The following BARX2 variants were observed in gnomAD, a reference collection of about 807,000 sequenced individuals.
The protein encoded by BARX2 is homeobox protein BarH-like 2.
Under a neutral mutation model 25.5 loss-of-function variants are expected in BARX2, and 11 were observed. The ratio of observed to expected loss-of-function variants is 0.43; its 90% CI spans 0.27 to 0.71. BARX2 has a LOEUF of 0.71. Ranked by LOEUF, BARX2 falls within the 30% of genes least tolerant of loss-of-function variation. The pLI is 0.19. For missense variants in BARX2, 360 were observed against 359.9 expected (o/e 1.00, Z 0.00); for synonymous variants, 137 against 149.5 (o/e 0.92, Z 0.61).
At chr11:129,424,452 G>T (rs1862041968) in intron 1 of BARX2, among the ~76,000 whole-genome samples, 1 of 152,074 alleles carries the variant, frequency 6.6e-6, no homozygotes, top group African/African-American at 2.4e-5. Context: ...CACCCTGCAG[G>T]TTGTTTCCAG....
chr11:129,442,716 GGGGA>G, intron 2 of BARX2, 115 bp from the exon 3 acceptor site: 2 of 857,940 alleles, frequency 2.3e-6, no homozygotes, highest in South Asian at 2.7e-5. Context: ...TCGTTTAATG[GGGGA>G]GGTCCGAGCC....
At chr11:129,395,298 T>C (rs1455485203) in intron 1 of BARX2, among the ~76,000 whole-genome samples, 1 of 152,168 alleles carries the variant, frequency 6.6e-6, no homozygotes, top group Admixed American at 6.5e-5. Context: ...AATATTTCCA[T>C]TGTCATACAA....
intron 1 of BARX2, among the ~76,000 whole-genome samples, chr11:129,396,558 T>C (rs1162917080): frequency 6.6e-6 from 1 of 152,162 alleles, no homozygotes; most frequent in East Asian, 1.9e-4. Flanking sequence ...AAGTTCATAT[T>C]GTCTGTACTT....
chr11:129,448,970 G>A (rs1412638816), intron 3 of BARX2, among the ~76,000 whole-genome samples: 5 of 152,212 alleles, frequency 3.3e-5, no homozygotes, highest in Non-Finnish European at 5.9e-5. Context: ...TATATAAAAT[G>A]TCCAAAAATA....
rs369194472 is a variant in BARX2 at position 129,444,109 on chromosome 11, G to GA, written c.573+1201dup. Among the ~76,000 whole-genome samples, 736 of 145,634 alleles carry GA rather than the reference G, an allele frequency of 5.1e-3. 6 individuals carry two copies. Among genetic ancestry groups the GA allele is most frequent in the African/African-American group, 0.017 (669 of 40,372 alleles). The stretch of plus-strand genomic sequence containing the variant: ...GGGTTCTGCCAACCCCAGTTTTCAG[G>GA]AAAAAAAAAAAGTCAGTGGATAGAT... On this transcript the variant is annotated intron_variant, in intron 3 of 3. Transcript: ENST00000281437.
chr11:129,391,563 G>A (rs1861665975), intron 1 of BARX2, among the ~76,000 whole-genome samples: 1 of 152,136 alleles, frequency 6.6e-6, no homozygotes, highest in Non-Finnish European at 1.5e-5. Context: ...TCATTCCAGG[G>A]CACAAAAATA....
Position 129,414,095 on chromosome 11 carries a change from T to C in BARX2, c.188-22656T>C, listed in dbSNP as rs143475730. ...AAAAAAAAGAGAGAGCGGACAGTAA[T>C]AGCTCGGGGATTATTTAGGTTTGAT... On this transcript the variant is annotated intron_variant, in intron 1 of 3. Transcript: ENST00000281437. 3.4e-3 allele frequency among the ~76,000 whole-genome samples: 508 copies of C among 150,298 alleles called. 4 individuals are homozygous for C. Among genetic ancestry groups the C allele is most frequent in the African/African-American group, 0.012 (471 of 40,148 alleles).
Position 129,390,419 on chromosome 11 carries a change from A to G in BARX2, c.187+14197A>G, listed in dbSNP as rs1435296483. ...TTGAAAATAGGACTCAGTCAGAGACATGGATCGTTGGCATCTTGTTGAGAA... is the reference window on the plus strand; with the variant it reads ...TTGAAAATAGGACTCAGTCAGAGACGTGGATCGTTGGCATCTTGTTGAGAA... On this transcript the variant is annotated intron_variant, in intron 1 of 3. Coordinates refer to ENST00000281437, the MANE Select transcript of BARX2 (RefSeq NM_003658.5). This position sits in a 1 kb window ranked among gnomAD's most constrained non-coding sequence, Gnocchi z 4.3. Among the ~76,000 whole-genome samples the G allele has an allele frequency of 6.6e-6, 1 of 152,182 alleles. No homozygotes were observed. The highest frequency in any genetic ancestry group is 1.5e-5 in the Non-Finnish European group (1 of 68,016).
At chr11:129,451,045 G>A (rs1475763829) in intron 3 of BARX2, 91 bp from the exon 4 acceptor site, 1 of 1,486,466 alleles carries the variant, frequency 6.7e-7, no homozygotes, top group Non-Finnish European at 9.2e-7. Flanking sequence ...GGAACAGATG[G>A]TTTAGATGCA....
intron 1 of BARX2, among the ~76,000 whole-genome samples, chr11:129,397,280 CA>C (rs35729336): frequency 0.23 from 25,139 of 110,984 alleles, 2,070 homozygotes; most frequent in East Asian, 0.39. Context: ...ACCCTGTCTC[CA>C]AAAAAAAAAA....
chr11:129,403,962 AC>A (rs1398777620), intron 1 of BARX2, among the ~76,000 whole-genome samples: 1 of 152,214 alleles, frequency 6.6e-6, no homozygotes, highest in Non-Finnish European at 1.5e-5. Context: ...TCTGAAAGGC[AC>A]AGAAAGGTCA....
intron 1 of BARX2, among the ~76,000 whole-genome samples, chr11:129,408,047 A>AAAG: frequency 6.9e-6 from 1 of 144,708 alleles, no homozygotes; most frequent in African/African-American, 2.5e-5. Context: ...AAAAAAAAAA[A>AAAG]GTTGGAGCAC....
intron 1 of BARX2, among the ~76,000 whole-genome samples, chr11:129,382,825 G>A (rs1174572228): frequency 2.0e-5 from 3 of 152,110 alleles, no homozygotes; most frequent in Non-Finnish European, 4.4e-5. Context: ...GTGCTCAAAG[G>A]ATGGGCAAAA....
Position 129,436,865 on chromosome 11 carries a change from A to G in BARX2, c.302A>G (p.Gln101Arg). ...ATCGCCCAGGCACTGTCCTGCCACC[A>G]GGTCACCGAGGCGGTCTCTGCTGAG... ...PGIAQALSCHQVTEAVSAEAP... is the reference protein window; with the variant it reads ...PGIAQALSCHRVTEAVSAEAP... Residue 101 changes from glutamine (Q) to arginine (R), a missense_variant, in exon 2 of 4, where the codon CAG (glutamine) becomes CGG (arginine). Physicochemically the swap from Gln to Arg is conservative, Grantham distance 43. Transcript: ENST00000281437. The surrounding 1 kb of genome is among the most constrained non-coding windows in gnomAD (Gnocchi z 4.5). 1 of 1,613,888 alleles carries G rather than the reference A, an allele frequency of 6.2e-7. No homozygotes were observed. The highest frequency in any genetic ancestry group is 1.1e-5 in the South Asian group (1 of 91,022).
chr11:129,450,676 C>T (rs10750414), intron 3 of BARX2, among the ~76,000 whole-genome samples: 1 of 151,908 alleles, frequency 6.6e-6, no homozygotes, highest in Non-Finnish European at 1.5e-5. Context: ...AGCCTAAGGA[C>T]TTTCTGTGTC....
chr11:129,393,533 T>C (rs1861687268), intron 1 of BARX2, among the ~76,000 whole-genome samples: 3 of 151,884 alleles, frequency 2.0e-5, no homozygotes, highest in Admixed American at 1.3e-4. Context: ...TTTTTTTTTT[T>C]CCTGGAGCAG....
chr11:129,402,421 T>C (rs1861786701), intron 1 of BARX2, among the ~76,000 whole-genome samples: 1 of 152,176 alleles, frequency 6.6e-6, no homozygotes, highest in Non-Finnish European at 1.5e-5. Context: ...ATTATAGGCC[T>C]GATAAGCATC....
At chr11:129,443,032 G>A (rs967171734) in intron 3 of BARX2, 113 bp downstream of exon 3, 13 of 874,166 alleles carry the variant, frequency 1.5e-5, no homozygotes, top group Non-Finnish European at 1.9e-5. Flanking sequence ...AGATTGGAAG[G>A]CCTTCTATGC....
chr11:129,412,441 G>A (rs991946383), intron 1 of BARX2, among the ~76,000 whole-genome samples: 2 of 152,184 alleles, frequency 1.3e-5, no homozygotes, highest in African/African-American at 2.4e-5. Flanking sequence ...GAATTCAAGG[G>A]CAAGGCAGTG....
Sources: gnomAD v4.1 joint callset for allele counts (sites outside exome capture counted in the v4.1 genomes callset) on GRCh38, gnomAD v4.1.1 for gene constraint, Gnocchi (gnomAD v3.1) non-coding constraint, MANE v1.5 for transcripts, NCBI Gene and HGNC (gene_info 2026-07-23, HGNC 2026-07-21) for gene names.